CDHR2: variants seen among roughly 807,000 people sequenced by gnomAD.
CDHR2 encodes cadherin-related family member 2.
In CDHR2, 104 loss-of-function variants were observed where a neutral mutation model predicts 138.6. The observed-to-expected ratio is 0.75, with a 90% confidence interval of 0.64 to 0.88. The LOEUF (loss-of-function observed/expected upper bound fraction) is 0.88. CDHR2 is among the 40% of genes least tolerant of loss of function. The pLI, the probability that CDHR2 is intolerant of heterozygous loss-of-function variation, is 0.00. For missense variants in CDHR2, 1,624 were observed against 1,727.6 expected (o/e 0.94, Z 1.06); for synonymous variants, 755 against 742.8 (o/e 1.02, Z -0.27).
intron 20 of CDHR2, 138 bp from the exon 21 acceptor site, chr5:176,586,655 C>T (rs924808834): frequency 4.3e-6 from 3 of 697,546 alleles, no homozygotes; most frequent in African/African-American, 1.8e-5. Context: ...CCAGTGGTGG[C>T]TGTAATAGGG....
At chr5:176,556,442 G>A (rs1039202265) in intron 1 of CDHR2, among the ~76,000 whole-genome samples, 3 of 152,156 alleles carry the variant, frequency 2.0e-5, no homozygotes, top group African/African-American at 7.2e-5. Context: ...CGAGGCGGGC[G>A]GATCACAAGG....
At chr5:176,546,841 G>A (rs550456383), upstream of CDHR2, among the ~76,000 whole-genome samples, 125 of 151,242 alleles carry the variant, frequency 8.3e-4, 1 homozygote, top group African/African-American at 2.9e-3. Context: ...TGTAATAGTC[G>A]CATCGAGCGC....
downstream of CDHR2, chr5:176,595,969 G>C (rs1019714750): frequency 7.3e-6 from 2 of 275,270 alleles, no homozygotes; most frequent in Non-Finnish European, 1.4e-5. Flanking sequence ...TGTGGTTATA[G>C]AATGAGCTCT....
At chr5:176,575,688 C>G in intron 10 of CDHR2, 36 bp from the exon 11 acceptor site, 1 of 1,586,280 alleles carries the variant, frequency 6.3e-7, no homozygotes, top group Non-Finnish European at 8.6e-7. Context: ...GCCACTGGAG[C>G]AGCTGTTCCA....
At chr5:176,581,068 T>C (rs1027469987) in intron 16 of CDHR2, among the ~76,000 whole-genome samples, 5 of 152,196 alleles carry the variant, frequency 3.3e-5, no homozygotes, top group Admixed American at 6.5e-5. Flanking sequence ...GCTCTATTCT[T>C]TCTTTGCACC....
At position 176,574,139 on chromosome 5, in the gene CDHR2, G is replaced by A. The variant is rs917571706; in HGVS notation, c.462G>A (p.Gly154=). The A allele has an allele frequency of 1.2e-6, 2 of 1,614,074 alleles. No individual in the cohort carries two copies. The highest frequency in any genetic ancestry group is 3.3e-5 in the Admixed American group (2 of 60,012). Residue 154 remains glycine, a synonymous_variant, in exon 7 of 32, where the codon GGG becomes GGA. Transcript: ENST00000261944. The stretch of plus-strand genomic sequence containing the variant: ...TGCTGGCCGTGGATAAAGACATGGG[G>A]TCTGCAGGCATGGTCGTGTACTCCA... ...FSVLAVDKDM[G]SAGMVVYSIE...
intron 1 of CDHR2, among the ~76,000 whole-genome samples, chr5:176,551,945 A>G (rs981482753): frequency 2.6e-5 from 4 of 150,948 alleles, no homozygotes; most frequent in Non-Finnish European, 5.9e-5. Context: ...CGATCTCCTG[A>G]CCCCGACCCC....
intron 3 of CDHR2, among the ~76,000 whole-genome samples, chr5:176,567,403 C>T (rs1386609280): frequency 1.3e-5 from 2 of 152,172 alleles, no homozygotes; most frequent in Non-Finnish European, 2.9e-5. Flanking sequence ...CTCCTGGGCT[C>T]AAGCAGTTCT....
intron 22 of CDHR2, 39 bp downstream of exon 22, chr5:176,589,221 G>C (rs368811475): frequency 6.2e-7 from 1 of 1,611,396 alleles, no homozygotes; most frequent in Non-Finnish European, 8.5e-7. Flanking sequence ...TTGCGGGGAG[G>C]GGCCCGATAG....
chr5:176,589,638 G>T, intron 24 of CDHR2, 22 bp downstream of exon 24: 1 of 1,608,698 alleles, frequency 6.2e-7, no homozygotes, highest in Non-Finnish European at 8.5e-7. Flanking sequence ...GAGCCCCGGA[G>T]GGAGGGGTAG....
At chr5:176,573,859 C>G (rs1175343300) in intron 6 of CDHR2, among the ~76,000 whole-genome samples, 1 of 152,052 alleles carries the variant, frequency 6.6e-6, no homozygotes, top group Non-Finnish European at 1.5e-5. Flanking sequence ...CAATCAGAAG[C>G]CAGCTTAGGT....
At position 176,551,916 on chromosome 5, in the gene CDHR2, A is replaced by T. The variant is rs975029009; in HGVS notation, c.-16+2502A>T. 2.7e-5 allele frequency among the ~76,000 whole-genome samples: 4 copies of T among 150,428 alleles called. No individual in the cohort carries two copies. The South Asian group carries it at 8.4e-4, about 31-fold the overall frequency. On this transcript the variant is annotated intron_variant, in intron 1 of 31. Transcript: ENST00000261944. ...CTTTTAGTAGAGACGGCGTTTCACC[A>T]TGTTAGCCAGGATGGTCTCGATCTC...
chr5:176,548,439 C>T (rs1055095576), upstream of CDHR2, among the ~76,000 whole-genome samples: 4 of 152,186 alleles, frequency 2.6e-5, no homozygotes, highest in East Asian at 3.9e-4. Flanking sequence ...CATCGGGCAG[C>T]GCTTAAAGCC....
In CDHR2 at chr5:176,584,837, C is replaced by G. The variant is rs1414430243; in HGVS notation, c.2556C>G (p.Thr852=). 1.9e-6 allele frequency: 3 copies of G among 1,614,166 alleles called. No homozygotes were observed. Among genetic ancestry groups the G allele is most frequent in the Non-Finnish European group, 2.5e-6 (3 of 1,180,020 alleles). ...LEIQLVNILC[T]KAGVDVGSLC... Reference sequence around the variant, plus strand: ...TACAGCTTGTGAACATTCTCTGCACCAAGGCCGGGGTCGATGTGGGCAGCC... The same window carrying G: ...TACAGCTTGTGAACATTCTCTGCACGAAGGCCGGGGTCGATGTGGGCAGCC... Residue 852 remains threonine, a synonymous_variant, in exon 19 of 32, where the codon ACC becomes ACG. Coordinates refer to ENST00000261944, the MANE Select transcript of CDHR2 (RefSeq NM_017675.6).
Position 176,590,605 on chromosome 5 carries a change from A to T in CDHR2, c.3457A>T (p.Ile1153Phe). 6.2e-7 allele frequency: 1 copy of T among 1,613,874 alleles called. No individual in the cohort carries two copies. Among genetic ancestry groups the T allele is most frequent in the East Asian group, 2.2e-5 (1 of 44,878 alleles). The stretch of plus-strand genomic sequence containing the variant: ...GGAGTCAGACCTGTCGAAACAGCTC[A>T]TCAGTGTCATCATAGGATTGGGAGT... ...SQESDLSKQL[I>F]SVIIGLGVAL... Residue 1153 changes from isoleucine to phenylalanine, a missense_variant, in exon 28 of 32, where the codon ATC becomes TTC. This residue lies in a region of CDHR2 where 556 missense variants were observed against 565.7 expected (regional missense o/e 0.98). Coordinates refer to ENST00000261944, the MANE Select transcript of CDHR2 (RefSeq NM_017675.6).
At chr5:176,545,138 CAG>C (rs548481559), upstream of CDHR2, among the ~76,000 whole-genome samples, 478 of 152,054 alleles carry the variant, frequency 3.1e-3, no homozygotes, top group African/African-American at 0.011. Flanking sequence ...GGGGTGGGGA[CAG>C]AGTCTCACTC....
Position 176,586,787 on chromosome 5 carries a change from C to T in CDHR2, c.2807-6C>T. ...CCGCTGACCCCGTTCCCGTTCACAC[C>T]TGCAGTGATCATCCCTGAACTCGTG... On this transcript the variant is annotated splice_polypyrimidine_tract_variant and splice_region_variant and intron_variant, in intron 20 of 31. Coordinates refer to ENST00000261944, the MANE Select transcript of CDHR2 (RefSeq NM_017675.6). 6.2e-7 allele frequency: 1 copy of T among 1,606,176 alleles called. No homozygotes were observed. Among genetic ancestry groups the T allele is most frequent in the South Asian group, 1.1e-5 (1 of 89,164 alleles).
chr5:176,581,263 G>C, intron 16 of CDHR2, 80 bp from the exon 17 acceptor site: 1 of 1,571,882 alleles, frequency 6.4e-7, no homozygotes, highest in Non-Finnish European at 8.6e-7. Context: ...CAGCGCTGGA[G>C]AGGAGGGTCC....
rs1297714980 is a variant in CDHR2 at position 176,595,768 on chromosome 5, C to T, written c.*96C>T. The T allele has an allele frequency of 8.1e-7, 1 of 1,229,720 alleles. No homozygotes were observed. Among genetic ancestry groups the T allele is most frequent in the African/African-American group, 1.5e-5 (1 of 64,606 alleles). 76.2% of individuals were successfully genotyped at this position (1,229,720 alleles called of 1,614,324 possible). A position where few individuals can be genotyped will look rare whatever the true frequency, so the allele number is the denominator to read the frequency against. ...GATGAAAATATATGACGCTGCCCTG[C>T]CTCCTGCTTTTGGCCAATCACGGCA... On this transcript the variant is annotated 3_prime_UTR_variant, in exon 32 of 32. Transcript: ENST00000261944.
Sources: allele counts gnomAD v4.1 joint callset (sites outside exome capture counted in the v4.1 genomes callset), GRCh38; gene constraint gnomAD v4.1.1; regional missense constraint gnomAD v4.1.1; transcripts MANE v1.5; gene names NCBI Gene and HGNC (gene_info 2026-07-23, HGNC 2026-07-21).